The following RHCE variants were observed in gnomAD, a reference collection of about 807,000 sequenced individuals.
RHCE encodes blood group Rh(CE) polypeptide.
In RHCE, 22 loss-of-function variants were observed where a neutral mutation model predicts 43.8. That is an observed-to-expected ratio of 0.50 (90% confidence interval 0.36 to 0.72). RHCE has a LOEUF of 0.72. Ranked by LOEUF, RHCE falls within the 30% of genes least tolerant of loss-of-function variation. The probability of loss-of-function intolerance (pLI) is 0.00; values close to 1 mark genes in which losing one functional copy is unlikely to be tolerated. For synonymous variants in RHCE, 156 were observed against 210.7 expected, an observed-to-expected ratio of 0.74 and a Z score of 2.25; for missense variants, 385 against 525.4, an observed-to-expected ratio of 0.73 and a Z score of 2.61.
At chr1:25,391,406 C>T (rs1293913667) in intron 4 of RHCE, among the ~76,000 whole-genome samples, 17 of 151,936 alleles carry the variant, frequency 1.1e-4, no homozygotes, top group Non-Finnish European at 2.5e-4. Context: ...AGGCTGGTCT[C>T]GAACTCCTGA....
chr1:25,418,492 G>A (rs1237583715), intron 1 of RHCE, among the ~76,000 whole-genome samples: 3 of 150,340 alleles, frequency 2.0e-5, no homozygotes, highest in African/African-American at 4.9e-5. Context: ...TAGTAGAGAT[G>A]GGGTTTTGCC....
At chr1:25,414,550 T>C (rs1647230352) in intron 1 of RHCE, among the ~76,000 whole-genome samples, 1 of 152,050 alleles carries the variant, frequency 6.6e-6, no homozygotes, top group African/African-American at 2.4e-5. Context: ...AGCTGCAGTG[T>C]GGAAGGTGCC....
rs1571904577 is a variant in RHCE at position 25,406,949 on chromosome 1, G to T, written c.335+1734C>A. On this transcript the variant is annotated intron_variant, in intron 2 of 9. Coordinates refer to ENST00000294413, the MANE Select transcript of RHCE (RefSeq NM_020485.8). ...CCCTAAAACTGTTTTTTGAGACAGG[G>T]TCTCACTCTGTTGTCCAGGCTGGAG... 1.7e-5 allele frequency among the ~76,000 whole-genome samples: 2 copies of T among 120,620 alleles called. 1 individual carries two copies. Among genetic ancestry groups the T allele is most frequent in the Admixed American group, 1.8e-4 (2 of 11,044 alleles). The allele number at this position is 120,620 out of a possible 152,430, so 79.1% of individuals were successfully genotyped here.
intron 1 of RHCE, among the ~76,000 whole-genome samples, chr1:25,409,854 A>AC (rs1360855582): frequency 6.6e-6 from 1 of 151,734 alleles, no homozygotes. Flanking sequence ...AAACCAAGGC[A>AC]CAGAGGCGTT....
chr1:25,427,358 C>T (rs761198891), intron 2 of RHCE, among the ~76,000 whole-genome samples: 14 of 152,346 alleles, frequency 9.2e-5, no homozygotes, highest in Middle Eastern at 3.4e-3. Flanking sequence ...AGGCCTTGGT[C>T]TTTTGAATGA....
chr1:25,404,483 G>C (rs1235544686), intron 2 of RHCE, among the ~76,000 whole-genome samples: 1 of 150,526 alleles, frequency 6.6e-6, no homozygotes, highest in Non-Finnish European at 1.5e-5. Flanking sequence ...TAGAATAAGG[G>C]GTTATTCAAT....
chr1:25,401,153 T>C (rs586338), intron 3 of RHCE, among the ~76,000 whole-genome samples: 20 of 152,352 alleles, frequency 1.3e-4, no homozygotes, highest in African/African-American at 4.6e-4. Flanking sequence ...TCCTTTGGGA[T>C]ACTGAGGCAC....
intron 3 of RHCE, among the ~76,000 whole-genome samples, chr1:25,401,273 C>T (rs586839): frequency 3.6e-4 from 55 of 152,246 alleles, no homozygotes; most frequent in East Asian, 2.9e-3. Context: ...ATATTACAGA[C>T]GAAGAAACTA....
intron 2 of RHCE, among the ~76,000 whole-genome samples, chr1:25,404,500 T>C (rs1646854745): frequency 6.6e-6 from 1 of 151,032 alleles, no homozygotes; most frequent in Non-Finnish European, 1.5e-5. Flanking sequence ...CAATGTTCCA[T>C]CGTGCCTGGA....
intron 1 of RHCE, among the ~76,000 whole-genome samples, chr1:25,417,250 C>A (rs1243987096): frequency 6.6e-6 from 1 of 151,792 alleles, no homozygotes; most frequent in Non-Finnish European, 1.5e-5. Context: ...CTGATTGTCT[C>A]AAAATGTCTT....
upstream of RHCE, chr1:25,420,939 G>C (rs2042752456): frequency 6.7e-7 from 1 of 1,491,942 alleles, no homozygotes; most frequent in East Asian, 2.5e-5. Flanking sequence ...TGTCTATGGA[G>C]TTAACACGGA....
chr1:25,426,499 T>C (rs1386147094), intron 2 of RHCE, among the ~76,000 whole-genome samples: 1 of 152,248 alleles, frequency 6.6e-6, no homozygotes, highest in Admixed American at 6.5e-5. Context: ...TGTTACTATG[T>C]GACCTTAGGC....
intron 5 of RHCE, among the ~76,000 whole-genome samples, chr1:25,389,735 C>T (rs189539533): frequency 6.6e-6 from 1 of 152,114 alleles, no homozygotes; most frequent in African/African-American, 2.4e-5. Context: ...TTATTGGCTA[C>T]TTGGTGCCTG....
At chr1:25,384,392 CT>C (rs141364933) in intron 7 of RHCE, among the ~76,000 whole-genome samples, 50 of 147,136 alleles carry the variant, frequency 3.4e-4, no homozygotes, top group East Asian at 9.8e-4. Context: ...CCTTCACTGG[CT>C]TTTTTTTTTT....
At chr1:25,424,024 G>A (rs917405428), upstream of RHCE, among the ~76,000 whole-genome samples, 30 of 152,282 alleles carry the variant, frequency 2.0e-4, 1 homozygote, top group East Asian at 3.5e-3. Context: ...AGTGGAAGCC[G>A]TGCTTAGAGT....
At chr1:25,397,593 A>G (rs1375877048) in intron 3 of RHCE, among the ~76,000 whole-genome samples, 3 of 150,388 alleles carry the variant, frequency 2.0e-5, no homozygotes, top group African/African-American at 7.4e-5. Context: ...ATGCCATCAC[A>G]CTCTCCCTTT....
In RHCE at chr1:25,395,521, T is replaced by G. The variant is rs549911765; in HGVS notation, c.487-3380A>C. ...CACTTCCTGCCCTTGGAGGTTCTTT[T>G]TGTTTGTTTGTTTTTTAAAACTGTC... On this transcript the variant is annotated intron_variant, in intron 3 of 9. Transcript: ENST00000294413. Among the ~76,000 whole-genome samples the G allele has an allele frequency of 9.3e-3, 1,415 of 151,900 alleles. 24 individuals are homozygous for G. The highest frequency in any genetic ancestry group is 0.033 in the African/African-American group (1,342 of 41,174).
intron 1 of RHCE, among the ~76,000 whole-genome samples, chr1:25,429,458 T>C (rs1282025255): frequency 6.6e-6 from 1 of 152,144 alleles, no homozygotes; most frequent in Non-Finnish European, 1.5e-5. Context: ...CAGCCCTTCC[T>C]GGGAAGTTTT....
At chr1:25,405,992 A>G (rs150654080) in intron 2 of RHCE, among the ~76,000 whole-genome samples, 12,615 of 120,772 alleles carry the variant, frequency 0.1, 2,837 homozygotes, top group African/African-American at 0.29. Flanking sequence ...GGGTGGAGCA[A>G]GGGAGTTCAC....
Sources: allele counts gnomAD v4.1 joint callset (sites outside exome capture counted in the v4.1 genomes callset), GRCh38; gene constraint gnomAD v4.1.1; transcripts MANE v1.5; gene names NCBI Gene and HGNC (gene_info 2026-07-23, HGNC 2026-07-21).